Variants in RBM39 observed in about 807,000 individuals in gnomAD.
RBM39 encodes the protein RNA-binding protein 39.
In RBM39, 12 loss-of-function variants were observed where a neutral mutation model predicts 79.6. The ratio of observed to expected loss-of-function variants is 0.15; its 90% confidence interval spans 0.10 to 0.24. RBM39 has a LOEUF of 0.24. Ranked by LOEUF, RBM39 falls within the 10% of genes least tolerant of loss-of-function variation. The probability of loss-of-function intolerance (pLI) is 1.00; values close to 1 mark genes in which losing one functional copy is unlikely to be tolerated. For synonymous variants in RBM39, 185 were observed against 208.4 expected (o/e 0.89, Z 0.97); for missense variants, 243 against 653.4 (o/e 0.37, Z 6.85).
At chr20:35,714,945 T>G (rs941715292) in intron 10 of RBM39, among the ~76,000 whole-genome samples, 2 of 152,086 alleles carry the variant, frequency 1.3e-5, no homozygotes, top group Non-Finnish European at 2.9e-5. Flanking sequence ...CACACTAAAG[T>G]TACTAGAATA....
chr20:35,712,478 G>A lies in RBM39; in HGVS notation c.1174+541C>T, dbSNP rs550850351. ...AAAAAAAGGGGGCGGGGGGTTGGGG[G>A]GCACAGGGGAATGAGTGTTTTATGA... On this transcript the variant is annotated intron_variant, in intron 12 of 16. Coordinates refer to ENST00000253363, the MANE Select transcript of RBM39 (RefSeq NM_184234.3). 3.8e-5 allele frequency among the ~76,000 whole-genome samples: 5 copies of A among 133,306 alleles called. No individual in the cohort carries two copies. In the East Asian group the frequency reaches 1.1e-3, roughly 29 times the overall value. The allele number at this position is 133,306 out of a possible 152,430, so 87.5% of individuals were successfully genotyped here.
intron 3 of RBM39, chr20:35,734,082 C>G: frequency 2.4e-6 from 1 of 418,246 alleles, no homozygotes; most frequent in Non-Finnish European, 4.0e-6. Flanking sequence ...TATTCCTTAT[C>G]AAAGCAAAGT....
chr20:35,708,003 AAC>A, intron 13 of RBM39: 1 of 417,262 alleles, frequency 2.4e-6, no homozygotes, highest in Non-Finnish European at 4.9e-6. Flanking sequence ...CTAAGGATAA[AAC>A]AGTGCATTAG....
chr20:35,729,442 T>G lies in RBM39; in HGVS notation c.362+20A>C. On this transcript the variant is annotated intron_variant, in intron 5 of 16. Coordinates refer to ENST00000253363, the MANE Select transcript of RBM39 (RefSeq NM_184234.3). ...TTCCTTGAAAAACAATTTAAACAAT[T>G]CAGAAGTATGTTTAAAAACCTTAAT... The G allele has an allele frequency of 9.9e-6, 16 of 1,611,474 alleles. 1 individual carries two copies. Among genetic ancestry groups the G allele is most frequent in the Non-Finnish European group, 1.3e-5 (15 of 1,178,452 alleles).
At chr20:35,717,863 CTTTT>C (rs56755932) in intron 9 of RBM39, among the ~76,000 whole-genome samples, 2 of 146,758 alleles carry the variant, frequency 1.4e-5, no homozygotes, top group Non-Finnish European at 3.0e-5. Context: ...AAGAAAGGAA[CTTTT>C]TTTTTTTTTG....
At chr20:35,738,874 G>A in intron 3 of RBM39, 94 bp downstream of exon 3, 3 of 1,108,706 alleles carry the variant, frequency 2.7e-6, no homozygotes, top group Non-Finnish European at 3.9e-6. Context: ...CTTCAGAAGA[G>A]AATTTTGTAT....
intron 4 of RBM39, among the ~76,000 whole-genome samples, chr20:35,729,759 T>C (rs2039160346): frequency 6.6e-6 from 1 of 151,994 alleles, no homozygotes; most frequent in South Asian, 2.1e-4. Flanking sequence ...AGCCTCAAAA[T>C]TTTTAGATTC....
intron 5 of RBM39, 23 bp downstream of exon 5, chr20:35,729,439 A>C: frequency 6.2e-7 from 1 of 1,610,314 alleles, no homozygotes; most frequent in South Asian, 1.1e-5. Flanking sequence ...CAATTTAAAC[A>C]ATTCAGAAGT....
At position 35,701,997 on chromosome 20, in the gene RBM39, A is replaced by G. The variant is rs951766604; in HGVS notation, c.*2484T>C. 1 of 152,180 alleles carries G rather than the reference A, an allele frequency of 6.6e-6. No homozygotes were observed. The highest frequency in any genetic ancestry group is 1.5e-5 in the Non-Finnish European group (1 of 68,034). The allele number at this position is 152,180 out of a possible 1,614,324, so 9.4% of individuals were successfully genotyped here. On this transcript the variant is annotated 3_prime_UTR_variant, in exon 17 of 17. Coordinates refer to ENST00000253363, the MANE Select transcript of RBM39 (RefSeq NM_184234.3). ...AACTTCTGTAGCTTCTCAACTGGCTAAATTCCAGATGATTTTCTAACCACT... is the reference window on the plus strand; with the variant it reads ...AACTTCTGTAGCTTCTCAACTGGCTGAATTCCAGATGATTTTCTAACCACT...
chr20:35,734,798 C>A, intron 3 of RBM39: 4 of 1,369,596 alleles, frequency 2.9e-6, no homozygotes, highest in Non-Finnish European at 3.8e-6. Flanking sequence ...TACAAGGGTG[C>A]AAGAAACCAG....
chr20:35,738,020 G>C, intron 3 of RBM39, among the ~76,000 whole-genome samples: 1 of 151,980 alleles, frequency 6.6e-6, no homozygotes, highest in Non-Finnish European at 1.5e-5. Flanking sequence ...AGCCAGGCGT[G>C]ATGGCGCGCG....
At chr20:35,741,150 T>G (rs1305638549) in intron 1 of RBM39, among the ~76,000 whole-genome samples, 2 of 144,966 alleles carry the variant, frequency 1.4e-5, no homozygotes, top group Admixed American at 7.1e-5. Flanking sequence ...TCCTACCACC[T>G]CACCTCCCGA....
chr20:35,710,868 A>G (rs2036309555), intron 12 of RBM39, among the ~76,000 whole-genome samples: 1 of 152,154 alleles, frequency 6.6e-6, no homozygotes, highest in Non-Finnish European at 1.5e-5. Flanking sequence ...CACCAGCACT[A>G]AAAAAGGGAA....
At chr20:35,714,616 T>C (rs910623935) in intron 10 of RBM39, among the ~76,000 whole-genome samples, 11 of 152,142 alleles carry the variant, frequency 7.2e-5, no homozygotes, top group Non-Finnish European at 1.5e-4. Context: ...TTACAAGTAA[T>C]GACAGCTTTA....
chr20:35,710,107 GCT>G (rs2036220953), intron 12 of RBM39, among the ~76,000 whole-genome samples: 1 of 152,130 alleles, frequency 6.6e-6, no homozygotes, highest in Non-Finnish European at 1.5e-5. Context: ...GTGCTATAAT[GCT>G]CTCTTGAAGT....
chr20:35,740,688 G>A (rs1414991762), intron 2 of RBM39, 136 bp downstream of exon 2: 1 of 1,309,172 alleles, frequency 7.6e-7, no homozygotes, highest in East Asian at 2.5e-5. Flanking sequence ...ATTTACTTTT[G>A]TAAGTTACAC....
intron 12 of RBM39, among the ~76,000 whole-genome samples, chr20:35,711,737 A>G (rs1416487152): frequency 6.6e-6 from 1 of 152,236 alleles, no homozygotes; most frequent in Non-Finnish European, 1.5e-5. Flanking sequence ...TGAGCTTTCA[A>G]TTTAGAAGAA....
chr20:35,727,601 A>G (rs1201877168), intron 6 of RBM39, among the ~76,000 whole-genome samples: 3 of 150,888 alleles, frequency 2.0e-5, no homozygotes, highest in Non-Finnish European at 3.0e-5. Context: ...TCAGCATCCC[A>G]AGTAGCTGGG....
In RBM39 at chr20:35,734,923, G is replaced by A. The variant is rs376468503; in HGVS notation, c.102-2788C>T. On this transcript the variant is annotated intron_variant, in intron 3 of 16. Transcript: ENST00000253363. ...AAAGGGACTTTCCAAAGTCTTTAAT[G>A]GCAGTGAAATTTTGTACTGAACATC... is the stretch of plus-strand genomic sequence containing the variant. The A allele has an allele frequency of 1.0e-4, 164 of 1,580,982 alleles. No individual in the cohort carries two copies. The African/African-American group carries it at 1.9e-3, about 18-fold the overall frequency.
Sources: allele counts gnomAD v4.1 joint callset (sites outside exome capture counted in the v4.1 genomes callset), GRCh38; gene constraint gnomAD v4.1.1; transcripts MANE v1.5; gene names NCBI Gene and HGNC (gene_info 2026-07-23, HGNC 2026-07-21).